CPVL: variants seen among roughly 807,000 people sequenced by gnomAD.
The protein encoded by CPVL is probable serine carboxypeptidase CPVL.
In CPVL, 51 loss-of-function variants were observed where a neutral mutation model predicts 63.7. The observed-to-expected ratio is 0.80, with a 90% CI of 0.64 to 1.01. The LOEUF (loss-of-function observed/expected upper bound fraction) is 1.01. Among genes scored for constraint, CPVL ranks in the 50% least tolerant of loss-of-function variants. The pLI is 0.00. For synonymous variants in CPVL, 195 were observed against 206.0 expected (o/e 0.95, Z 0.46); for missense variants, 530 against 573.1 (o/e 0.92, Z 0.77).
intron 3 of CPVL, among the ~76,000 whole-genome samples, chr7:29,105,813 T>G (rs1279687816): frequency 6.6e-6 from 1 of 152,106 alleles, no homozygotes; most frequent in Non-Finnish European, 1.5e-5. Flanking sequence ...ACATCCTCAG[T>G]GTTGGCCAAA....
At chr7:29,096,444 G>A in intron 3 of CPVL, 1 of 549,968 alleles carries the variant, frequency 1.8e-6, no homozygotes, top group Non-Finnish European at 3.2e-6. Context: ...TTATCATGCA[G>A]TCAAGTCTTT....
intron 10 of CPVL, among the ~76,000 whole-genome samples, chr7:29,064,594 T>C (rs1271448500): frequency 6.6e-6 from 1 of 152,130 alleles, no homozygotes; most frequent in Non-Finnish European, 1.5e-5. Context: ...TCACTCCTTG[T>C]TGGTGGCTCT....
intron 6 of CPVL, among the ~76,000 whole-genome samples, chr7:29,089,181 A>G (rs1197900842): frequency 2.0e-5 from 3 of 152,170 alleles, no homozygotes; most frequent in African/African-American, 7.2e-5. Context: ...TAAAGGACCA[A>G]AAAGAGAAAC....
intron 7 of CPVL, among the ~76,000 whole-genome samples, chr7:29,076,007 A>G (rs1455830564): frequency 1.2e-5 from 1 of 83,734 alleles, no homozygotes; most frequent in African/African-American, 4.6e-5. Flanking sequence ...TGAATCATTT[A>G]TTTCTCAATT....
At chr7:29,090,949 T>C (rs1196292971) in intron 6 of CPVL, among the ~76,000 whole-genome samples, 2 of 152,218 alleles carry the variant, frequency 1.3e-5, no homozygotes, top group East Asian at 3.9e-4. Context: ...TAGTAGCCCA[T>C]TTGCAGGTTT....
At chr7:29,174,276 G>A (rs1240781890) in intron 5 of CPVL, among the ~76,000 whole-genome samples, 1 of 152,216 alleles carries the variant, frequency 6.6e-6, no homozygotes, top group African/African-American at 2.4e-5. Flanking sequence ...CCTCTGGAGG[G>A]GGGCCAGCAA....
intron 11 of CPVL, among the ~76,000 whole-genome samples, chr7:29,062,820 G>A (rs942643042): frequency 6.6e-6 from 1 of 152,180 alleles, no homozygotes; most frequent in African/African-American, 2.4e-5. Flanking sequence ...AAAGTATCTT[G>A]AGGAGAGGAT....
At chr7:29,067,791 G>C (rs1229561123) in intron 9 of CPVL, among the ~76,000 whole-genome samples, 1 of 152,040 alleles carries the variant, frequency 6.6e-6, no homozygotes, top group East Asian at 1.9e-4. Context: ...AATTTTATGG[G>C]TGAGAAAACT....
In CPVL at chr7:28,995,908, G is replaced by A. The variant is rs200592788; in HGVS notation, c.1321-26C>T. ...CTTAAAAAGAAAAAGTAAAAGAACG[G>A]AAATTTAGAGAAATGGATATTCTAA... On this transcript the variant is annotated intron_variant, in intron 12 of 12. Transcript: ENST00000265394. 168 of 1,232,808 alleles carry A rather than the reference G, an allele frequency of 1.4e-4. 1 individual carries two copies. In the Middle Eastern group the frequency reaches 2.2e-3, roughly 16 times the overall value. The allele number at this position is 1,232,808 out of a possible 1,614,324, so 76.4% of individuals were successfully genotyped here. A position where few individuals can be genotyped will look rare whatever the true frequency, so the allele number is the denominator to read the frequency against.
At chr7:29,085,634 G>C (rs1373994028) in intron 7 of CPVL, among the ~76,000 whole-genome samples, 1 of 152,150 alleles carries the variant, frequency 6.6e-6, no homozygotes, top group Non-Finnish European at 1.5e-5. Flanking sequence ...CTTTAATTAT[G>C]AGTTAATTAC....
intron 12 of CPVL, 55 bp from the exon 13 acceptor site, chr7:28,995,937 C>T: frequency 1.0e-6 from 1 of 1,004,418 alleles, no homozygotes. Flanking sequence ...ATTCTAAATA[C>T]ATGGAAAGTT....
intron 12 of CPVL, among the ~76,000 whole-genome samples, chr7:29,008,208 A>T (rs538418125): frequency 2.6e-5 from 4 of 152,208 alleles, no homozygotes; most frequent in Non-Finnish European, 5.9e-5. Context: ...GTTTTTCAAC[A>T]TTTTAATTGC....
chr7:29,035,804 T>G (rs1052275563), intron 11 of CPVL, among the ~76,000 whole-genome samples: 1 of 152,224 alleles, frequency 6.6e-6, no homozygotes, highest in African/African-American at 2.4e-5. Context: ...GAAACTGTAC[T>G]TTGTGGGTCA....
At chr7:29,113,307 T>C (rs949271455) in intron 2 of CPVL, among the ~76,000 whole-genome samples, 1 of 152,016 alleles carries the variant, frequency 6.6e-6, no homozygotes, top group Non-Finnish European at 1.5e-5. Flanking sequence ...AAAAAGCCTG[T>C]CACATCTACT....
intron 12 of CPVL, among the ~76,000 whole-genome samples, chr7:28,998,842 C>G (rs1260698918): frequency 6.6e-6 from 1 of 151,438 alleles, no homozygotes; most frequent in African/African-American, 2.4e-5. Flanking sequence ...TTATATGAAC[C>G]TAAACTACCC....
At chr7:29,172,678 C>T (rs981216624) in intron 5 of CPVL, among the ~76,000 whole-genome samples, 1 of 152,026 alleles carries the variant, frequency 6.6e-6, no homozygotes, top group African/African-American at 2.4e-5. Flanking sequence ...TCATATTAAC[C>T]ATTGCTTTTT....
At chr7:29,166,126 G>A (rs934717267) in intron 5 of CPVL, among the ~76,000 whole-genome samples, 2 of 152,002 alleles carry the variant, frequency 1.3e-5, no homozygotes, top group Admixed American at 6.6e-5. Flanking sequence ...GATTTCCTGG[G>A]CTCAAGTGAC....
rs575293913 is a variant in CPVL, at chr7:29,183,667, A to C, written c.-134+754T>G. On this transcript the variant is annotated intron_variant, in intron 4 of 16. Transcript: ENST00000409850. ...ACTAGGATTACAGGTGTGAGCCACC[A>C]CACCTGGCCCAGAATTTTTTAAGTG... 4.6e-5 allele frequency among the ~76,000 whole-genome samples: 7 copies of C among 152,218 alleles called. No homozygotes were observed. The South Asian group carries it at 1.5e-3, about 32-fold the overall frequency.
In CPVL at chr7:29,140,537, C is replaced by T. The variant is rs10271905; in HGVS notation, c.-11+5892G>A. ...AAAGCATGAGGAATGCAGTTCTGTG[C>T]CCCACTACAAATAAACACTGCACTT... is the stretch of plus-strand genomic sequence containing the variant. On this transcript the variant is annotated intron_variant, in intron 1 of 12. Transcript: ENST00000265394. Among the ~76,000 whole-genome samples, 11 of 152,294 alleles carry T rather than the reference C, an allele frequency of 7.2e-5. No homozygotes were observed. The East Asian group carries it at 2.1e-3, about 29-fold the overall frequency.
Sources: gnomAD v4.1 joint callset for allele counts (sites outside exome capture counted in the v4.1 genomes callset) on GRCh38, gnomAD v4.1.1 for gene constraint, MANE v1.5 for transcripts, NCBI Gene and HGNC (gene_info 2026-07-23, HGNC 2026-07-21) for gene names.